Variants in TTC21B observed in about 807,000 individuals in gnomAD.
TTC21B encodes tetratricopeptide repeat domain 21B.
TTC21B carries 127 observed loss-of-function variants against 175.1 expected under a neutral mutation model. The ratio of observed to expected loss-of-function variants is 0.73; its 90% CI spans 0.63 to 0.84. The LOEUF is 0.84. Ranked by LOEUF, TTC21B falls within the 40% of genes least tolerant of loss-of-function variation. The probability of loss-of-function intolerance (pLI) is 0.00; values close to 1 mark genes in which losing one functional copy is unlikely to be tolerated. For missense variants in TTC21B, 1,561 were observed against 1,558.3 expected, an observed-to-expected ratio of 1.00 and a Z score of -0.03; for synonymous variants, 524 against 524.5, an observed-to-expected ratio of 1.00 and a Z score of 0.01.
chr2:165,884,086 C>G, intron 25 of TTC21B, 68 bp from the exon 26 acceptor site: 1 of 1,244,540 alleles, frequency 8.0e-7, no homozygotes, highest in East Asian at 2.4e-5. Flanking sequence ...ATACAGAAAG[C>G]AGAAAATGCT....
intron 18 of TTC21B, among the ~76,000 whole-genome samples, chr2:165,910,798 C>T (rs971790555): frequency 1.6e-5 from 2 of 128,010 alleles, no homozygotes; most frequent in East Asian, 2.4e-4. Context: ...CTATCTGGGA[C>T]ACGTATGTGG....
intron 16 of TTC21B, 129 bp downstream of exon 16, chr2:165,913,445 C>T (rs1686033282): frequency 3.0e-6 from 2 of 656,146 alleles, no homozygotes; most frequent in East Asian, 5.5e-5. Context: ...ATGGATATCT[C>T]CCTTTTACTG....
At chr2:165,923,883 C>A (rs750975340) in intron 12 of TTC21B, among the ~76,000 whole-genome samples, 1 of 151,166 alleles carries the variant, frequency 6.6e-6, no homozygotes, top group African/African-American at 2.4e-5. Flanking sequence ...TCCTGAGTAA[C>A]TGGGGCTACA....
chr2:165,904,678 G>A (rs1685671756), intron 19 of TTC21B, among the ~76,000 whole-genome samples: 2 of 152,176 alleles, frequency 1.3e-5, no homozygotes, highest in Admixed American at 6.5e-5. Flanking sequence ...AACACTCTCT[G>A]TGGGAAAATA....
intron 6 of TTC21B, among the ~76,000 whole-genome samples, chr2:165,939,206 A>G (rs182847316): frequency 6.6e-6 from 1 of 152,296 alleles, no homozygotes; most frequent in East Asian, 1.9e-4. Flanking sequence ...GAAATTCTCC[A>G]TAATAAATGA....
At chr2:165,928,181 A>C (rs1686745891) in intron 11 of TTC21B, among the ~76,000 whole-genome samples, 1 of 152,180 alleles carries the variant, frequency 6.6e-6, no homozygotes, top group Non-Finnish European at 1.5e-5. Flanking sequence ...GATGACAATA[A>C]AGATCCATCT....
chr2:165,946,280 A>G (rs906019367), intron 3 of TTC21B, among the ~76,000 whole-genome samples: 1 of 152,040 alleles, frequency 6.6e-6, no homozygotes, highest in Non-Finnish European at 1.5e-5. Flanking sequence ...CGGAGCTTGC[A>G]GTGAGCAGAG....
intron 1 of TTC21B, among the ~76,000 whole-genome samples, chr2:165,953,245 G>A (rs1687814538): frequency 6.6e-6 from 1 of 152,126 alleles, no homozygotes; most frequent in African/African-American, 2.4e-5. Context: ...CTAAAATAAC[G>A]ACCCCTCCAC....
chr2:165,899,964 T>C (rs911053649), intron 20 of TTC21B, 84 bp from the exon 21 acceptor site: 1 of 847,996 alleles, frequency 1.2e-6, no homozygotes, highest in South Asian at 1.4e-5. Context: ...GATTAAACTT[T>C]AGTTGACCAA....
chr2:165,916,112 C>T (rs1686164508), intron 14 of TTC21B, among the ~76,000 whole-genome samples: 1 of 152,144 alleles, frequency 6.6e-6, no homozygotes, highest in South Asian at 2.1e-4. Context: ...GGGAGACCCT[C>T]TACAAAATAT....
intron 25 of TTC21B, among the ~76,000 whole-genome samples, chr2:165,884,555 A>G (rs570792782): frequency 2.6e-5 from 4 of 152,316 alleles, no homozygotes; most frequent in African/African-American, 9.6e-5. Flanking sequence ...AAGTTTGAAT[A>G]ACGAAATGTT....
At chr2:165,876,271 C>T (rs776041076) in intron 27 of TTC21B, 39 bp from the exon 28 acceptor site, 3 of 1,223,770 alleles carry the variant, frequency 2.5e-6, no homozygotes, top group Non-Finnish European at 2.4e-6. Flanking sequence ...TGATGGAGTA[C>T]ACTGCTACTA....
Position 165,901,893 on chromosome 2 carries a change from A to G in TTC21B, c.2586T>C (p.Ala862=). ...TALQQARELQ[A]RVLKRVQMEQ... is the part of the protein sequence containing the mutation. ...CCATCTGAACACGTTTTAGTACCCG[A>G]GCTTGTAATTCTCGAGCCTAGAAAA... The change falls in exon 20 of 29, where the codon GCT becomes GCC. Residue 862 remains alanine, a synonymous_variant. Transcript: ENST00000243344. 6 of 1,613,828 alleles carry G rather than the reference A, an allele frequency of 3.7e-6. No homozygotes were observed. The highest frequency in any genetic ancestry group is 5.1e-6 in the Non-Finnish European group (6 of 1,179,916).
At chr2:165,935,595 C>A (rs1687099534) in intron 6 of TTC21B, among the ~76,000 whole-genome samples, 1 of 152,030 alleles carries the variant, frequency 6.6e-6, no homozygotes. Flanking sequence ...CTCCTGGAAT[C>A]AACAAGCGAT....
intron 18 of TTC21B, among the ~76,000 whole-genome samples, chr2:165,910,537 C>A (rs1192929372): frequency 1.3e-5 from 2 of 152,038 alleles, no homozygotes; most frequent in South Asian, 4.1e-4. Flanking sequence ...CAAATGTACA[C>A]TAAGGAATGA....
rs112276081 is a variant in TTC21B at position 165,898,389 on chromosome 2, G to C, written c.2950+297C>G. ...TAACTGTGGGCAAGAAATGGGGCAA[G>C]GGTGATGGAGGTTTGAGGAGACAGG... On this transcript the variant is annotated intron_variant, in intron 22 of 28. Transcript: ENST00000243344. 8.5e-4 allele frequency among the ~76,000 whole-genome samples: 130 copies of C among 152,288 alleles called. 1 individual carries two copies. The highest frequency in any genetic ancestry group is 2.9e-3 in the African/African-American group (122 of 41,566).
rs1326545484 is a variant in TTC21B, at chr2:165,943,216, C to T, written c.552+3G>A. ...TGATTTATTTACCCTAACTCCAACTCACCTTACCCAGCAGAGCAAAAGTAT... is the reference window on the plus strand; with the variant it reads ...TGATTTATTTACCCTAACTCCAACTTACCTTACCCAGCAGAGCAAAAGTAT... On this transcript the variant is annotated splice_donor_region_variant and intron_variant, in intron 5 of 28. Coordinates refer to ENST00000243344, the MANE Select transcript of TTC21B (RefSeq NM_024753.5). 2 of 1,613,528 alleles carry T rather than the reference C, an allele frequency of 1.2e-6. No individual in the cohort carries two copies. Among genetic ancestry groups the T allele is most frequent in the South Asian group, 2.2e-5 (2 of 91,054 alleles).
chr2:165,930,185 C>A lies in TTC21B; in HGVS notation c.1074G>T (p.Val358=). ...KTAMTLDETS[V]SALVGFIQCQ... is the part of the protein sequence containing the mutation. The stretch of plus-strand genomic sequence containing the variant: ...CAGTTGTCATACCAACTAGGGCAGA[C>A]ACACTAGTCTCATCAAGTGTCATGG... The change falls in exon 9 of 29, where the codon GTG becomes GTT. Residue 358 remains valine (V), a synonymous_variant. Transcript: ENST00000243344. 1 of 1,612,356 alleles carries A rather than the reference C, an allele frequency of 6.2e-7. No homozygotes were observed. The highest frequency in any genetic ancestry group is 1.1e-5 in the South Asian group (1 of 90,982).
At position 165,912,573 on chromosome 2, in the gene TTC21B, C is replaced by A. The variant is rs1685993173; in HGVS notation, c.2263G>T (p.Asp755Tyr). ...CCCATTTTGCTTGCCAATGTTCCATCTTTCGGGTTCTGATTTAATGCTTGC... is the reference window on the plus strand; with the variant it reads ...CCCATTTTGCTTGCCAATGTTCCATATTTCGGGTTCTGATTTAATGCTTGC... ...YEQALNQNPK[D>Y]GTLASKMGKA... The change falls in exon 17 of 29, where the codon GAT becomes TAT. Residue 755 changes from aspartate (D) to tyrosine (Y), a missense_variant. Asp to Tyr is a radical substitution (Grantham distance 160). Coordinates refer to ENST00000243344, the MANE Select transcript of TTC21B (RefSeq NM_024753.5). The A allele has an allele frequency of 1.9e-6, 3 of 1,613,966 alleles. No homozygotes were observed. In the South Asian group the frequency reaches 3.3e-5, roughly 18 times the overall value.
Sources: gnomAD v4.1 joint callset for allele counts (sites outside exome capture counted in the v4.1 genomes callset) on GRCh38, gnomAD v4.1.1 for gene constraint, MANE v1.5 for transcripts, NCBI Gene and HGNC (gene_info 2026-07-23, HGNC 2026-07-21) for gene names.